SLF2: variants seen among roughly 807,000 people sequenced by gnomAD.
The protein encoded by SLF2 is SMC5/6 complex localization factor 2.
SLF2 carries 68 observed loss-of-function variants against 124.3 expected under a neutral mutation model. That is an observed-to-expected ratio of 0.55 (90% CI 0.45 to 0.67). The LOEUF is 0.67. SLF2 is among the 30% of genes least tolerant of loss of function. The probability of loss-of-function intolerance (pLI) is 0.00; values close to 1 mark genes in which losing one functional copy is unlikely to be tolerated. For missense variants in SLF2, 1,246 were observed against 1,373.7 expected, an observed-to-expected ratio of 0.91 and a Z score of 1.47; for synonymous variants, 480 against 478.8, an observed-to-expected ratio of 1.00 and a Z score of -0.03.
intron 18 of SLF2, 139 bp downstream of exon 18, chr10:100,956,676 A>AAGTATTGGGAT: frequency 1.7e-6 from 1 of 590,304 alleles, no homozygotes; most frequent in Non-Finnish European, 2.9e-6. Flanking sequence ...TGTAATCCCA[A>AAGTATTGGGAT]TACTTTGGGA....
chr10:100,913,257 T>C lies in SLF2; in HGVS notation c.140+7T>C. ...CAGAGAGTCCTGGGGACAGGTACCGTGCAGAGGGCTTGAGAAGGGGCCGGG... is the reference window on the plus strand; with the variant it reads ...CAGAGAGTCCTGGGGACAGGTACCGCGCAGAGGGCTTGAGAAGGGGCCGGG... On this transcript the variant is annotated splice_region_variant and intron_variant, in intron 1 of 19. Coordinates refer to ENST00000238961, the MANE Select transcript of SLF2 (RefSeq NM_018121.4). 6.3e-7 allele frequency: 1 copy of C among 1,588,312 alleles called. No homozygotes were observed.
intron 15 of SLF2, 25 bp from the exon 16 acceptor site, chr10:100,950,051 C>G (rs1412029738): frequency 6.5e-7 from 1 of 1,539,406 alleles, no homozygotes; most frequent in East Asian, 2.3e-5. Flanking sequence ...TAGCTTTGTT[C>G]AATGTCTCCT....
In SLF2 at chr10:100,918,433, C is replaced by T. The variant is rs865858539; in HGVS notation, c.965C>T (p.Pro322Leu). 6.3e-7 allele frequency: 1 copy of T among 1,585,660 alleles called. No individual in the cohort carries two copies. The highest frequency in any genetic ancestry group is 1.4e-5 in the African/African-American group (1 of 73,542). ...AGATCCTCTTCTGATTCATGGGAAC[C>T]TACTTCAGGTAGAATCAAAATTAAA... The part of the protein sequence containing the change: ...RKRSSSDSWE[P>L]TSAGSKQNKF... The change falls in exon 4 of 20, where the codon CCT becomes CTT. Residue 322 changes from proline to leucine, a missense_variant. By Grantham distance (98) the Pro-to-Leu change is moderately conservative. Coordinates refer to ENST00000238961, the MANE Select transcript of SLF2 (RefSeq NM_018121.4).
chr10:100,945,280 G>T, intron 12 of SLF2, 50 bp from the exon 13 acceptor site: 1 of 1,435,858 alleles, frequency 7.0e-7, no homozygotes, highest in Non-Finnish European at 9.3e-7. Context: ...AACTCTAAAA[G>T]TAAAATATAC....
rs1850438384 is a variant in SLF2, at chr10:100,962,249, G to A, written c.*337G>A. On this transcript the variant is annotated 3_prime_UTR_variant, in exon 20 of 20. Transcript: ENST00000238961. ...ATAAGCCAGTTATCTTTTTTAGATA[G>A]TATTTTTGTCACTTGGATAATCACA... 5.6e-6 allele frequency: 1 copy of A among 177,038 alleles called. No homozygotes were observed. The highest frequency in any genetic ancestry group is 2.0e-4 in the South Asian group (1 of 5,124). 11.0% of individuals were successfully genotyped at this position (177,038 alleles called of 1,614,324 possible).
chr10:100,916,133 A>AGT, intron 2 of SLF2, 91 bp downstream of exon 2: 1 of 892,544 alleles, frequency 1.1e-6, no homozygotes, highest in Non-Finnish European at 1.7e-6. Context: ...AAACTGTTTT[A>AGT]GTAAACGTAG....
intron 12 of SLF2, 118 bp downstream of exon 12, chr10:100,944,246 A>T: frequency 3.4e-6 from 2 of 586,146 alleles, no homozygotes; most frequent in South Asian, 5.4e-5. Context: ...CTGTAATCCC[A>T]GCACTTTGGG....
chr10:100,956,609 C>T, intron 18 of SLF2, 72 bp downstream of exon 18: 2 of 1,118,254 alleles, frequency 1.8e-6, no homozygotes, highest in South Asian at 1.4e-5. Flanking sequence ...AGGATAGAAG[C>T]ATACAGGCCT....
At chr10:100,958,996 G>T (rs536231544) in intron 18 of SLF2, among the ~76,000 whole-genome samples, 2 of 151,818 alleles carry the variant, frequency 1.3e-5, no homozygotes, top group Non-Finnish European at 2.9e-5. Flanking sequence ...ACAAATAAAC[G>T]TTTTTTTTAT....
At chr10:100,917,352 A>G (rs1470922259) in intron 3 of SLF2, 52 bp downstream of exon 3, 4 of 1,504,778 alleles carry the variant, frequency 2.7e-6, no homozygotes, top group Non-Finnish European at 3.5e-6. Flanking sequence ...TCATATTTAG[A>G]ATACTAAATT....
intron 7 of SLF2, 53 bp downstream of exon 7, chr10:100,929,492 A>G (rs977806527): frequency 1.3e-5 from 19 of 1,481,844 alleles, no homozygotes; most frequent in South Asian, 1.3e-4. Flanking sequence ...TACATTTTTT[A>G]GTTTTGTTTT....
intron 11 of SLF2, among the ~76,000 whole-genome samples, chr10:100,940,111 T>C (rs546243717): frequency 2.0e-5 from 3 of 152,242 alleles, no homozygotes; most frequent in Non-Finnish European, 4.4e-5. Context: ...ACCTCCTACT[T>C]TATTATTTAA....
intron 4 of SLF2, among the ~76,000 whole-genome samples, chr10:100,922,357 A>G (rs543706339): frequency 1.3e-5 from 2 of 152,170 alleles, no homozygotes; most frequent in South Asian, 2.1e-4. Context: ...GCCACTAGAC[A>G]TGGCCAAAAG....
rs768140601 is a variant in SLF2, at chr10:100,944,122, G to A, written c.2751G>A (p.Val917=). ...STLPETNILN[V]VKFLGLCTSI... is the part of the protein sequence containing the mutation. ...TTCCTGAAACCAACATTTTAAATGT[G>A]GTTAAGGTAGGAAAGAACTTTTATG... Residue 917 remains valine, a synonymous_variant, in exon 12 of 20, where the codon GTG becomes GTA. Coordinates refer to ENST00000238961, the MANE Select transcript of SLF2 (RefSeq NM_018121.4). 4.4e-6 allele frequency: 7 copies of A among 1,600,188 alleles called. No individual in the cohort carries two copies. The Admixed American group carries it at 1.2e-4, about 27-fold the overall frequency.
At chr10:100,927,241 A>G (rs926810002) in intron 6 of SLF2, among the ~76,000 whole-genome samples, 2 of 152,178 alleles carry the variant, frequency 1.3e-5, no homozygotes, top group South Asian at 4.1e-4. Flanking sequence ...CCCTTTAAAC[A>G]ATAACTCCCC....
At chr10:100,960,109 C>T (rs1850401863) in intron 19 of SLF2, among the ~76,000 whole-genome samples, 4 of 152,316 alleles carry the variant, frequency 2.6e-5, no homozygotes, top group Admixed American at 2.6e-4. Context: ...CATGTTATAG[C>T]ATGTACATCC....
intron 11 of SLF2, 23 bp from the exon 12 acceptor site, chr10:100,944,003 T>G (rs1315326832): frequency 2.0e-6 from 3 of 1,515,820 alleles, no homozygotes; most frequent in Non-Finnish European, 2.7e-6. Context: ...TAACTTCACA[T>G]TGCTTTACTC....
chr10:100,948,710 G>A (rs531230820), intron 15 of SLF2, among the ~76,000 whole-genome samples: 3 of 151,866 alleles, frequency 2.0e-5, no homozygotes, highest in South Asian at 2.1e-4. Context: ...GTGAAACCCC[G>A]TCTCTACTAA....
chr10:100,956,561 CTTTT>C lies in SLF2; in HGVS notation c.3417+32_3417+35del, dbSNP rs368524733. ...AGGTAAGTGTGTTCTTTCTTTTTTT[CTTTT>C]TTTTTTTCTTAATCTTGGTTACGTT... is the stretch of plus-strand genomic sequence containing the variant. On this transcript the variant is annotated intron_variant, in intron 18 of 19. Coordinates refer to ENST00000238961, the MANE Select transcript of SLF2 (RefSeq NM_018121.4). The C allele has an allele frequency of 1.3e-5, 16 of 1,228,998 alleles. No individual in the cohort carries two copies. The East Asian group carries it at 4.6e-4, about 36-fold the overall frequency. The allele number at this position is 1,228,998 out of a possible 1,614,324, so 76.1% of individuals were successfully genotyped here.
Sources: gnomAD v4.1 joint callset for allele counts (sites outside exome capture counted in the v4.1 genomes callset) on GRCh38, gnomAD v4.1.1 for gene constraint, MANE v1.5 for transcripts, NCBI Gene and HGNC (gene_info 2026-07-23, HGNC 2026-07-21) for gene names.